Variants in NKD2 observed in about 807,000 individuals in gnomAD.
NKD2 encodes the protein NKD inhibitor of Wnt signaling pathway 2.
A neutral mutation model predicts 34.8 loss-of-function variants in NKD2; 43 were observed. The observed-to-expected ratio is 1.24, with a 90% CI of 0.97 to 1.60. NKD2 has a LOEUF of 1.60. Among genes scored for constraint, NKD2 ranks in the 40% most tolerant of loss-of-function variants. The pLI is 0.00. For synonymous variants in NKD2, 278 were observed against 265.1 expected, an observed-to-expected ratio of 1.05 and a Z score of -0.47; for missense variants, 675 against 627.1, an observed-to-expected ratio of 1.08 and a Z score of -0.82.
chr5:1,035,769 T>G, intron 8 of NKD2: 1 of 463,228 alleles, frequency 2.2e-6, no homozygotes, highest in Non-Finnish European at 3.8e-6. Context: ...GTGGCTCCAC[T>G]CAGCAGCTTT....
At chr5:1,035,334 GTGAA>G (rs759200006) in intron 7 of NKD2, 51 bp from the exon 8 acceptor site, 1 of 1,349,208 alleles carries the variant, frequency 7.4e-7, no homozygotes, top group South Asian at 1.3e-5. Flanking sequence ...GAATGAATGA[GTGAA>G]TGCTGAATGA....
At chr5:1,032,711 GGCTGCTGAA>G (rs1388109693) in intron 4 of NKD2, among the ~76,000 whole-genome samples, 1 of 152,214 alleles carries the variant, frequency 6.6e-6, no homozygotes, top group Non-Finnish European at 1.5e-5. Flanking sequence ...ACCTTCGGAT[GGCTGCTGAA>G]GCCAAGAGAG....
rs149371893 is a variant in NKD2 at position 1,036,278 on chromosome 5, G to T, written c.681G>T (p.Gln227His). 1.2e-6 allele frequency: 2 copies of T among 1,610,432 alleles called. No individual in the cohort carries two copies. Among genetic ancestry groups the T allele is most frequent in the Non-Finnish European group, 1.7e-6 (2 of 1,178,586 alleles). ...GCAGGAGGCCCAGTACTGACCCCCA[G>T]CCCTGCTCGGAGCGGGGGCCCTACT... ...AHVRRPSTDP[Q>H]PCSERGPYCV... The change falls in exon 9 of 10, where the codon CAG (glutamine) becomes CAT (histidine). Residue 227 changes from glutamine (Q) to histidine (H), a missense_variant. Physicochemically the swap from Gln to His is conservative, Grantham distance 24. Transcript: ENST00000296849.
chr5:1,036,485 C>A, intron 9 of NKD2, 101 bp downstream of exon 9: 1 of 772,554 alleles, frequency 1.3e-6, no homozygotes, highest in Non-Finnish European at 1.9e-6. Flanking sequence ...CCTCCCTGCC[C>A]TGCCCCGCCC....
Position 1,008,827 on chromosome 5 carries a change from C to CCGCCGCTGT in NKD2, c.-229_-221dup. ...AGAGGGAGCCGGGCCGCCGTCGCTG[C>CCGCCGCTGT]CGCCGCTGTCCCCGCGCCCTGCGCC... On this transcript the variant is annotated 5_prime_UTR_variant, in exon 1 of 10. Transcript: ENST00000296849. The CCGCCGCTGT allele has an allele frequency of 3.7e-6, 1 of 273,338 alleles. No individual in the cohort carries two copies. The highest frequency in any genetic ancestry group is 6.8e-6 in the Non-Finnish European group (1 of 147,846). The allele number at this position is 273,338 out of a possible 1,614,324, so 16.9% of individuals were successfully genotyped here.
chr5:1,036,590 G>A (rs1404787422), intron 9 of NKD2, among the ~76,000 whole-genome samples: 1 of 150,698 alleles, frequency 6.6e-6, no homozygotes, highest in Admixed American at 6.7e-5. Context: ...CTACCTGTTG[G>A]TGCCGCCTGA....
At position 1,038,713 on chromosome 5, in the gene NKD2, G is replaced by A. The variant is rs1561004537; in HGVS notation, c.*340G>A. Reference sequence around the variant, plus strand: ...CCCTGGAGTGCGCAAGGAGTGCCCGGATGCTTGGGGTGGGTGTTCCTCCCG... The same window carrying A: ...CCCTGGAGTGCGCAAGGAGTGCCCGAATGCTTGGGGTGGGTGTTCCTCCCG... On this transcript the variant is annotated 3_prime_UTR_variant, in exon 10 of 10. Transcript: ENST00000296849. The surrounding 1 kb of genome is among the most constrained non-coding windows in gnomAD (Gnocchi z 4.5). 3 of 555,730 alleles carry A rather than the reference G, an allele frequency of 5.4e-6. No individual in the cohort carries two copies. Among genetic ancestry groups the A allele is most frequent in the Non-Finnish European group, 9.8e-6 (3 of 307,150 alleles). 34.4% of individuals were successfully genotyped at this position (555,730 alleles called of 1,614,324 possible).
Position 1,025,536 on chromosome 5 carries a change from T to G in NKD2, c.142-6616T>G, listed in dbSNP as rs1241348865. On this transcript the variant is annotated intron_variant, in intron 3 of 9. Transcript: ENST00000296849. The stretch of plus-strand genomic sequence containing the variant: ...CCCGTTGTCCCTGCTCTTCCCACTC[T>G]CTGTGGGCGTCCCAGCCCGTTGTCC... 1.4e-3 allele frequency among the ~76,000 whole-genome samples: 10 copies of G among 7,128 alleles called. 2 individuals are homozygous for G. Among genetic ancestry groups the G allele is most frequent in the African/African-American group, 1.8e-3 (10 of 5,548 alleles). 4.7% of individuals were successfully genotyped at this position (7,128 alleles called of 152,430 possible). A position where few individuals can be genotyped will look rare whatever the true frequency, so the allele number is the denominator to read the frequency against.
At chr5:1,014,100 A>G (rs551973607) in intron 3 of NKD2, among the ~76,000 whole-genome samples, 1 of 152,328 alleles carries the variant, frequency 6.6e-6, no homozygotes, top group South Asian at 2.1e-4. Context: ...TCTGCAGGTG[A>G]AAGAAGACAG....
chr5:1,022,264 T>C (rs371078306), intron 3 of NKD2, among the ~76,000 whole-genome samples: 229 of 60,132 alleles, frequency 3.8e-3, no homozygotes, highest in African/African-American at 5.3e-3. Context: ...TGTGGGCGTC[T>C]CAGCCCATTG....
In NKD2 at chr5:1,038,377, C is replaced by G; in HGVS notation, c.*4C>G. 1 of 1,535,846 alleles carries G rather than the reference C, an allele frequency of 6.5e-7. No homozygotes were observed. Among genetic ancestry groups the G allele is most frequent in the Non-Finnish European group, 8.7e-7 (1 of 1,146,860 alleles). On this transcript the variant is annotated 3_prime_UTR_variant, in exon 10 of 10. Transcript: ENST00000296849. The surrounding 1 kb of genome is among the most constrained non-coding windows in gnomAD (Gnocchi z 4.5). The stretch of plus-strand genomic sequence containing the variant: ...CCACCACTTCCACCCGTCCTAGCGC[C>G]ACTGCCAAGCACACCTCGCTCCCAG...
At chr5:1,010,893 C>T (rs1277178430) in intron 3 of NKD2, among the ~76,000 whole-genome samples, 3 of 152,238 alleles carry the variant, frequency 2.0e-5, no homozygotes, top group South Asian at 2.1e-4. Context: ...CCCTGGGAGG[C>T]GCTGCACCAT....
At chr5:1,012,949 C>T (rs947037382) in intron 3 of NKD2, among the ~76,000 whole-genome samples, 14 of 152,214 alleles carry the variant, frequency 9.2e-5, no homozygotes, top group Non-Finnish European at 2.1e-4. Context: ...TGGACGCTAC[C>T]GCATCAACAC....
chr5:1,011,016 T>C (rs1045639805), intron 3 of NKD2, among the ~76,000 whole-genome samples: 5 of 152,240 alleles, frequency 3.3e-5, no homozygotes, highest in Admixed American at 2.0e-4. Context: ...GACTACGATG[T>C]CAGCGTGAGG....
rs1474310224 is a variant in NKD2 at position 1,037,789 on chromosome 5, T to C, written c.788-16T>C. On this transcript the variant is annotated splice_polypyrimidine_tract_variant and intron_variant, in intron 9 of 9. Transcript: ENST00000296849. ...CCTGCACTCCCAGGGCCTCACACTC[T>C]GACCTGTGTCCGCAGGGTCCCCTCC... is the stretch of plus-strand genomic sequence containing the variant. The C allele has an allele frequency of 3.2e-6, 5 of 1,563,812 alleles. No individual in the cohort carries two copies. The highest frequency in any genetic ancestry group is 3.5e-6 in the Non-Finnish European group (4 of 1,158,878).
At chr5:1,027,704 T>TCC in intron 3 of NKD2, among the ~76,000 whole-genome samples, 1 of 152,346 alleles carries the variant, frequency 6.6e-6, no homozygotes, top group East Asian at 1.9e-4. Context: ...CCCGTGTGTT[T>TCC]CCCACCGGGC....
Position 1,038,162 on chromosome 5 carries a change from A to T in NKD2, c.1145A>T (p.His382Leu). The change falls in exon 10 of 10, where the codon CAC becomes CTC. Residue 382 changes from histidine (H) to leucine (L), a missense_variant. Coordinates refer to ENST00000296849, the MANE Select transcript of NKD2 (RefSeq NM_033120.4). This position sits in a 1 kb window ranked among gnomAD's most constrained non-coding sequence, Gnocchi z 4.5. The part of the protein sequence containing the change: ...LPQPPPPPYG[H>L]KRYRQKGREG... ...CAGCCCCCACCGCCACCCTACGGCC[A>T]CAAGCGGTACCGCCAAAAGGGCAGG... The T allele has an allele frequency of 2.5e-6, 4 of 1,574,118 alleles. No individual in the cohort carries two copies. Among genetic ancestry groups the T allele is most frequent in the Non-Finnish European group, 3.4e-6 (4 of 1,163,446 alleles).
chr5:1,014,408 G>C (rs1431558559), intron 3 of NKD2, among the ~76,000 whole-genome samples: 1 of 152,220 alleles, frequency 6.6e-6, no homozygotes, highest in Non-Finnish European at 1.5e-5. Context: ...GGCTGGTGCC[G>C]GCCAAGGCAG....
At chr5:1,030,022 G>GGT (rs1554004000) in intron 3 of NKD2, among the ~76,000 whole-genome samples, 3 of 147,806 alleles carry the variant, frequency 2.0e-5, no homozygotes, top group African/African-American at 7.6e-5. Flanking sequence ...GTGCGGGGGG[G>GGT]GGGGTACTGA....
Sources: allele counts gnomAD v4.1 joint callset (sites outside exome capture counted in the v4.1 genomes callset), GRCh38; gene constraint gnomAD v4.1.1; non-coding constraint Gnocchi (gnomAD v3.1); transcripts MANE v1.5; gene names NCBI Gene and HGNC (gene_info 2026-07-23, HGNC 2026-07-21).